CHD1L: variants seen among roughly 807,000 people sequenced by gnomAD.
CHD1L encodes the protein ATP-dependent chromatin remodeler CHD1L.
CHD1L carries 118 observed loss-of-function variants against 115.9 expected under a neutral mutation model. The observed-to-expected ratio is 1.02, with a 90% CI of 0.88 to 1.19. The LOEUF (loss-of-function observed/expected upper bound fraction) is 1.19, where lower values mean the gene tolerates loss of function less well. Among genes scored for constraint, CHD1L ranks in the 50% most tolerant of loss-of-function variants. The pLI, the probability that CHD1L is intolerant of heterozygous loss-of-function variation, is 0.00. For missense variants in CHD1L, 1,179 were observed against 1,065.3 expected, an observed-to-expected ratio of 1.11 and a Z score of -1.49; for synonymous variants, 411 against 387.1, an observed-to-expected ratio of 1.06 and a Z score of -0.72.
the CHD1L span, among the ~76,000 whole-genome samples, chr1:147,235,835 T>C: frequency 6.6e-6 from 1 of 152,124 alleles, no homozygotes; most frequent in Admixed American, 6.5e-5. Context: ...TACATGGAAA[T>C]ATTGTCACGG....
Position 147,280,007 on chromosome 1 carries a change from T to G in CHD1L, c.1540-19T>G. 2.5e-6 allele frequency: 4 copies of G among 1,613,320 alleles called. No homozygotes were observed. The highest frequency in any genetic ancestry group is 3.4e-6 in the Non-Finnish European group (4 of 1,179,914). On this transcript the variant is annotated intron_variant, in intron 14 of 22. Transcript: ENST00000369258. ...TTTTCATGAGAATTTGCTGGACTTT[T>G]TTGTTTCCTCTATTCAAGTTGAGTG...
chr1:147,245,535 C>T (rs1047339022), intron 1 of CHD1L, among the ~76,000 whole-genome samples: 4 of 152,092 alleles, frequency 2.6e-5, no homozygotes, highest in African/African-American at 9.7e-5. Context: ...AGATGTTACT[C>T]CTCCAGGCCT....
the CHD1L span, among the ~76,000 whole-genome samples, chr1:147,222,962 A>G: frequency 6.6e-6 from 1 of 152,204 alleles, no homozygotes; most frequent in African/African-American, 2.4e-5. Flanking sequence ...GGCCTACTGA[A>G]TAATAACCAA....
chr1:147,270,139 C>T (rs1443617817), intron 10 of CHD1L, among the ~76,000 whole-genome samples: 1 of 152,160 alleles, frequency 6.6e-6, no homozygotes, highest in African/African-American at 2.4e-5. Flanking sequence ...TGAAAGAGTT[C>T]CCCATAATTT....
the CHD1L span, among the ~76,000 whole-genome samples, chr1:147,198,872 A>AAAAAAAAAAAAAAAAAAG: frequency 6.9e-6 from 1 of 144,594 alleles, no homozygotes; most frequent in African/African-American, 2.6e-5. Flanking sequence ...AAAAAAAAAA[A>AAAAAAAAAAAAAAAAAAG]AAAGAAAGAA....
chr1:147,260,791 T>A (rs2102482733), intron 6 of CHD1L: 1 of 152,342 alleles, frequency 6.6e-6, no homozygotes, highest in Admixed American at 6.5e-5. Flanking sequence ...TTCATTCCTT[T>A]CTCTGGATCT....
intron 1 of CHD1L, among the ~76,000 whole-genome samples, chr1:147,250,922 C>T (rs1160297462): frequency 1.3e-5 from 2 of 151,958 alleles, no homozygotes; most frequent in Non-Finnish European, 2.9e-5. Context: ...GGTCAGTTCC[C>T]CCATATTATT....
At chr1:147,270,879 T>C in intron 10 of CHD1L, 53 bp from the exon 11 acceptor site, 1 of 1,504,188 alleles carries the variant, frequency 6.6e-7, no homozygotes, top group Non-Finnish European at 9.2e-7. Context: ...TGAGGGAAAT[T>C]GACCTTAAAT....
Position 147,256,542 on chromosome 1 carries a change from A to G in CHD1L, c.474A>G (p.Lys158=), listed in dbSNP as rs1553940684. Residue 158 remains lysine (K), a synonymous_variant, in exon 5 of 23, where the codon AAA becomes AAG. Transcript: ENST00000369258. ...TCCTAATTTTTCAGATTTGCTTGAA[A>G]GATGCATCATTTCTAAAATCGTGAG... The part of the protein sequence containing the change: ...VLLTTYEICL[K]DASFLKSFPW... 6.2e-7 allele frequency: 1 copy of G among 1,613,630 alleles called. No individual in the cohort carries two copies. Among genetic ancestry groups the G allele is most frequent in the Admixed American group, 1.7e-5 (1 of 60,012 alleles).
In CHD1L at chr1:147,272,164, T is replaced by A; in HGVS notation, c.1160-7T>A. 6.2e-7 allele frequency: 1 copy of A among 1,608,058 alleles called. No individual in the cohort carries two copies. The highest frequency in any genetic ancestry group is 8.5e-7 in the Non-Finnish European group (1 of 1,176,098). ...TAAGATTTCTGTTTTTCTTCCTCTC[T>A]GTAAAGGCTACAGCTATGAGCGTGT... On this transcript the variant is annotated splice_region_variant and splice_polypyrimidine_tract_variant and intron_variant, in intron 11 of 22. Transcript: ENST00000369258.
the CHD1L span, among the ~76,000 whole-genome samples, chr1:147,217,171 C>T: frequency 6.6e-6 from 1 of 151,744 alleles, no homozygotes; most frequent in South Asian, 2.1e-4. Flanking sequence ...ACCCGGGAGG[C>T]GGAGGTTGCG....
At chr1:147,285,993 G>C (rs992417874) in intron 17 of CHD1L, among the ~76,000 whole-genome samples, 11 of 152,028 alleles carry the variant, frequency 7.2e-5, no homozygotes. Flanking sequence ...TACCATGCCC[G>C]GCCAAAACCA....
chr1:147,275,325 G>A (rs1254736959), intron 12 of CHD1L, 29 bp from the exon 13 acceptor site: 3 of 1,533,434 alleles, frequency 2.0e-6, no homozygotes, highest in African/African-American at 1.4e-5. Context: ...TTGTGCTGCT[G>A]ATTACATTCC....
the CHD1L span, chr1:147,179,257 G>C: frequency 9.3e-6 from 15 of 1,612,008 alleles, no homozygotes; most frequent in Non-Finnish European, 1.3e-5. Flanking sequence ...GAAGGTAGTG[G>C]TAGCAGAGAA....
chr1:147,187,279 A>G, the CHD1L span: 5 of 1,483,906 alleles, frequency 3.4e-6, no homozygotes, highest in Non-Finnish European at 4.6e-6. Context: ...ATGGCCTGTC[A>G]ATAATTCAAT....
At chr1:147,247,692 A>G (rs1261712473) in intron 1 of CHD1L, among the ~76,000 whole-genome samples, 1 of 152,168 alleles carries the variant, frequency 6.6e-6, no homozygotes, top group African/African-American at 2.4e-5. Context: ...TGTATGGTCC[A>G]TGGCACTTGA....
chr1:147,255,911 TACTG>T lies in CHD1L; in HGVS notation c.450_453del (p.Thr151ProfsTer6). On this transcript the variant is annotated frameshift_variant, in exon 4 of 23. Coordinates refer to ENST00000369258, the MANE Select transcript of CHD1L (RefSeq NM_004284.6). LOFTEE classifies it high-confidence loss of function. ...AAACAGGAGTCACGTTTTCATGTGCTACTGACTACCTATGAGGTATTCATTCGTT... is the reference window on the plus strand; with the variant it reads ...AAACAGGAGTCACGTTTTCATGTGCTACTACCTATGAGGTATTCATTCGTT... The T allele has an allele frequency of 6.2e-7, 1 of 1,612,956 alleles. No homozygotes were observed. Among genetic ancestry groups the T allele is most frequent in the South Asian group, 1.1e-5 (1 of 90,930 alleles).
intron 2 of CHD1L, 114 bp downstream of exon 2, chr1:147,252,849 G>A (rs1668866278): frequency 1.2e-6 from 1 of 849,112 alleles, no homozygotes; most frequent in Non-Finnish European, 1.9e-6. Context: ...AAATGTCCCT[G>A]GGATCCAGGC....
Position 147,293,715 on chromosome 1 carries a change from G to A in CHD1L, c.2499G>A (p.Lys833=). 1 of 1,612,830 alleles carries A rather than the reference G, an allele frequency of 6.2e-7. No individual in the cohort carries two copies. The highest frequency in any genetic ancestry group is 8.5e-7 in the Non-Finnish European group (1 of 1,178,902). Residue 833 remains lysine, a synonymous_variant, in exon 21 of 23, where the codon AAG becomes AAA. Coordinates refer to ENST00000369258, the MANE Select transcript of CHD1L (RefSeq NM_004284.6). The stretch of plus-strand genomic sequence containing the variant: ...AGAAGATATTTTTAGCAGCAAAAAA[G>A]AAGAAAGGTAAGCTCTTCCACCTGT... ...GLKKIFLAAK[K]KKASVHLPRI...
Sources: allele counts gnomAD v4.1 joint callset (sites outside exome capture counted in the v4.1 genomes callset), GRCh38; gene constraint gnomAD v4.1.1; transcripts MANE v1.5; gene names NCBI Gene and HGNC (gene_info 2026-07-23, HGNC 2026-07-21).